Variants in WWOX observed in about 807,000 individuals in gnomAD.
WWOX encodes WW domain-containing oxidoreductase.
A neutral mutation model predicts 46.2 loss-of-function variants in WWOX; 69 were observed. The ratio of observed to expected loss-of-function variants is 1.49; its 90% CI spans 1.23 to 1.82. The LOEUF (loss-of-function observed/expected upper bound fraction) is 1.82. WWOX is among the 40% of genes most tolerant of loss of function. The pLI is 0.00. For missense variants in WWOX, 919 were observed against 542.6 expected, an observed-to-expected ratio of 1.69 and a Z score of -6.89; for synonymous variants, 359 against 202.6, an observed-to-expected ratio of 1.77 and a Z score of -6.56.
At chr16:78,704,990 C>T (rs949752839) in intron 8 of WWOX, among the ~76,000 whole-genome samples, 1 of 151,714 alleles carries the variant, frequency 6.6e-6, no homozygotes, top group Non-Finnish European at 1.5e-5. Context: ...AACCTGTCCG[C>T]CATTTAACAT....
At chr16:78,333,027 A>G (rs553432989) in intron 5 of WWOX, among the ~76,000 whole-genome samples, 1 of 131,038 alleles carries the variant, frequency 7.6e-6, no homozygotes, top group East Asian at 2.0e-4. Flanking sequence ...TCTGAGTAGC[A>G]TGGAAGAGCA....
Position 78,967,368 on chromosome 16 carries a change from C to G in WWOX, c.1057-244240C>G, listed in dbSNP as rs187270435. 3.5e-3 allele frequency among the ~76,000 whole-genome samples: 493 copies of G among 141,476 alleles called. 2 individuals carry two copies. Among genetic ancestry groups the G allele is most frequent in the African/African-American group, 0.011 (437 of 38,758 alleles). 92.8% of individuals were successfully genotyped at this position (141,476 alleles called of 152,430 possible). A position where few individuals can be genotyped will look rare whatever the true frequency, so the allele number is the denominator to read the frequency against. On this transcript the variant is annotated intron_variant, in intron 8 of 8. Transcript: ENST00000566780. Reference sequence around the variant, plus strand: ...GCAGTGGCATGATCATGGCTCACTGCAGCCTCCCGGGCTCAAGCTTTCCAC... The same window carrying G: ...GCAGTGGCATGATCATGGCTCACTGGAGCCTCCCGGGCTCAAGCTTTCCAC...
chr16:78,955,849 T>A (rs1567436076), intron 8 of WWOX, among the ~76,000 whole-genome samples: 1 of 151,800 alleles, frequency 6.6e-6, no homozygotes, highest in Admixed American at 6.6e-5. Flanking sequence ...TCACTATGTT[T>A]CCCAGGCTGG....
intron 8 of WWOX, among the ~76,000 whole-genome samples, chr16:78,871,252 TC>T (rs1176457124): frequency 2.0e-5 from 3 of 152,114 alleles, no homozygotes; most frequent in South Asian, 2.1e-4. Flanking sequence ...GGGGGATTTT[TC>T]CCCCCATGGC....
chr16:78,390,326 A>C (rs2082151750), intron 6 of WWOX, among the ~76,000 whole-genome samples: 1 of 152,220 alleles, frequency 6.6e-6, no homozygotes, highest in African/African-American at 2.4e-5. Flanking sequence ...TTAACCATTA[A>C]GTAGTTGGGA....
intron 7 of WWOX, among the ~76,000 whole-genome samples, chr16:78,427,102 C>T (rs4073034): frequency 1.3e-5 from 2 of 152,020 alleles, no homozygotes; most frequent in Non-Finnish European, 2.9e-5. Context: ...AAGACAGTTG[C>T]TCACTACCCA....
At chr16:78,816,777 T>G (rs181280872) in intron 8 of WWOX, among the ~76,000 whole-genome samples, 1 of 152,122 alleles carries the variant, frequency 6.6e-6, no homozygotes, top group African/African-American at 2.4e-5. Context: ...GCTCAGTTTT[T>G]TTTGGTTTCT....
At chr16:78,248,856 C>T (rs2037899403) in intron 5 of WWOX, among the ~76,000 whole-genome samples, 1 of 150,792 alleles carries the variant, frequency 6.6e-6, no homozygotes. Flanking sequence ...GTACTTATGC[C>T]CCCCGGCCTT....
intron 8 of WWOX, among the ~76,000 whole-genome samples, chr16:78,974,927 G>A (rs1235970362): frequency 6.6e-6 from 1 of 152,116 alleles, no homozygotes; most frequent in African/African-American, 2.4e-5. Flanking sequence ...ATGCAGCCTC[G>A]GAATTTAATG....
intron 8 of WWOX, among the ~76,000 whole-genome samples, chr16:78,513,404 G>A (rs147265121): frequency 6.6e-6 from 1 of 152,240 alleles, no homozygotes; most frequent in African/African-American, 2.4e-5. Context: ...CTGCCCTGGT[G>A]GGGGAATCAG....
intron 8 of WWOX, among the ~76,000 whole-genome samples, chr16:78,614,631 A>G (rs936068360): frequency 2.0e-5 from 3 of 152,208 alleles, no homozygotes; most frequent in Non-Finnish European, 2.9e-5. Flanking sequence ...TGTATGGCAG[A>G]TGAGGGACCA....
At chr16:78,543,095 G>A (rs934622665) in intron 8 of WWOX, among the ~76,000 whole-genome samples, 3 of 152,200 alleles carry the variant, frequency 2.0e-5, no homozygotes, top group East Asian at 1.9e-4. Context: ...TTGCTCATAC[G>A]ACATGTCCAG....
In WWOX at chr16:78,593,008, G is replaced by T. The variant is rs903022399; in HGVS notation, c.1056+160256G>T. On this transcript the variant is annotated intron_variant, in intron 8 of 8. Coordinates refer to ENST00000566780, the MANE Select transcript of WWOX (RefSeq NM_016373.4). ...GTTGCTTGAGCACAGATAGCTGCCA[G>T]GGAGGCTGGAAAGTACAGCCTTCAG... Among the ~76,000 whole-genome samples, 9 of 152,264 alleles carry T rather than the reference G, an allele frequency of 5.9e-5. No individual in the cohort carries two copies. The East Asian group carries it at 1.7e-3, about 29-fold the overall frequency.
chr16:79,108,218 C>T (rs1378436127), intron 8 of WWOX, among the ~76,000 whole-genome samples: 1 of 152,238 alleles, frequency 6.6e-6, no homozygotes, highest in Non-Finnish European at 1.5e-5. Flanking sequence ...CTTCATAATT[C>T]TGGCTTTGAC....
intron 8 of WWOX, among the ~76,000 whole-genome samples, chr16:78,826,208 A>C (rs2051652353): frequency 6.6e-6 from 1 of 152,196 alleles, no homozygotes; most frequent in African/African-American, 2.4e-5. Flanking sequence ...TACAAAGATT[A>C]GCCTGGCGTG....
chr16:78,786,018 T>C (rs1166272639), intron 8 of WWOX, among the ~76,000 whole-genome samples: 1 of 152,220 alleles, frequency 6.6e-6, no homozygotes, highest in Non-Finnish European at 1.5e-5. Context: ...GCGATTCTCA[T>C]GGCTTAGCCT....
intron 8 of WWOX, among the ~76,000 whole-genome samples, chr16:79,201,325 G>C (rs1266404528): frequency 2.0e-5 from 3 of 148,032 alleles, no homozygotes; most frequent in Non-Finnish European, 3.0e-5. Context: ...TGAATAGAGA[G>C]GGTTTCCTTT....
intron 8 of WWOX, among the ~76,000 whole-genome samples, chr16:78,595,550 C>G (rs575355810): frequency 2.0e-5 from 3 of 152,206 alleles, no homozygotes; most frequent in African/African-American, 7.2e-5. Flanking sequence ...TCAATCTCTC[C>G]CTCCCCACCA....
chr16:78,697,337 C>G (rs1387192675), intron 8 of WWOX, among the ~76,000 whole-genome samples: 1 of 152,102 alleles, frequency 6.6e-6, no homozygotes, highest in Non-Finnish European at 1.5e-5. Context: ...TTATTTTTTG[C>G]ATTTTTGGTA....
Sources: gnomAD v4.1 joint callset for allele counts (sites outside exome capture counted in the v4.1 genomes callset) on GRCh38, gnomAD v4.1.1 for gene constraint, MANE v1.5 for transcripts, NCBI Gene and HGNC (gene_info 2026-07-23, HGNC 2026-07-21) for gene names.